Variants in PPME1 observed in about 807,000 individuals in gnomAD.
The protein encoded by PPME1 is testicular secretory protein Li 39.
PPME1 carries 17 observed loss-of-function variants against 56.9 expected under a neutral mutation model. That is an observed-to-expected ratio of 0.30 (90% CI 0.20 to 0.45). PPME1 has a LOEUF of 0.45. Ranked by LOEUF, PPME1 falls within the 20% of genes least tolerant of loss-of-function variation. The pLI is 1.00. For missense variants in PPME1, 357 were observed against 483.2 expected, an observed-to-expected ratio of 0.74 and a Z score of 2.45; for synonymous variants, 122 against 156.2, an observed-to-expected ratio of 0.78 and a Z score of 1.63.
At chr11:74,183,306 C>T (rs1191560898) in intron 1 of PPME1, among the ~76,000 whole-genome samples, 2 of 151,914 alleles carry the variant, frequency 1.3e-5, no homozygotes, top group South Asian at 4.1e-4. Flanking sequence ...CAAAACAAAA[C>T]AACAACAAAA....
chr11:74,242,776 G>C (rs995756950), intron 9 of PPME1, among the ~76,000 whole-genome samples: 1 of 150,930 alleles, frequency 6.6e-6, no homozygotes, highest in African/African-American at 2.4e-5. Flanking sequence ...CTACTCGGGA[G>C]GCTGAGGCAG....
intron 13 of PPME1, among the ~76,000 whole-genome samples, chr11:74,252,031 G>A (rs931885246): frequency 6.6e-6 from 1 of 151,776 alleles, no homozygotes; most frequent in Non-Finnish European, 1.5e-5. Flanking sequence ...CCTTTTCCAG[G>A]CTCCTAGAGA....
intron 3 of PPME1, among the ~76,000 whole-genome samples, chr11:74,215,565 A>G (rs1023280618): frequency 6.6e-6 from 1 of 152,188 alleles, no homozygotes; most frequent in African/African-American, 2.4e-5. Flanking sequence ...TAAACATACC[A>G]CCAGAGAAAA....
intron 1 of PPME1, among the ~76,000 whole-genome samples, chr11:74,184,537 C>G (rs191158107): frequency 1.4e-3 from 208 of 152,268 alleles, no homozygotes; most frequent in Middle Eastern, 6.8e-3. Context: ...GTACTTTTGC[C>G]TCTTCCCTAA....
intron 12 of PPME1, 90 bp from the exon 13 acceptor site, chr11:74,251,558 A>G (rs1859663461): frequency 6.4e-7 from 1 of 1,558,052 alleles, no homozygotes; most frequent in Admixed American, 1.9e-5. Flanking sequence ...AGGGCACCGT[A>G]GAGCCTAACC....
chr11:74,208,568 A>G (rs996423206), intron 3 of PPME1, among the ~76,000 whole-genome samples: 11 of 152,236 alleles, frequency 7.2e-5, no homozygotes, highest in African/African-American at 2.4e-4. Context: ...TTTGAATGTC[A>G]AAGCAGCTTA....
At chr11:74,250,870 C>A (rs1859640201) in intron 11 of PPME1, 84 bp from the exon 12 acceptor site, 12 of 1,218,796 alleles carry the variant, frequency 9.8e-6, no homozygotes, top group Non-Finnish European at 1.4e-5. Context: ...GAGGTAGGTC[C>A]TGGGCTCCTG....
Position 74,230,454 on chromosome 11 carries a change from G to T in PPME1, c.553+55G>T. 1 of 1,557,538 alleles carries T rather than the reference G, an allele frequency of 6.4e-7. No individual in the cohort carries two copies. Among genetic ancestry groups the T allele is most frequent in the Non-Finnish European group, 8.8e-7 (1 of 1,134,274 alleles). On this transcript the variant is annotated intron_variant, in intron 6 of 13. Transcript: ENST00000328257. This position sits in a 1 kb window ranked among gnomAD's most constrained non-coding sequence, Gnocchi z 4.9. ...GATTTCACTTATAAGAGACATCCTT[G>T]GTAGATTATTACCTTGTCTTAGTTT...
At chr11:74,246,032 A>G (rs1859493585) in intron 9 of PPME1, 44 bp from the exon 10 acceptor site, 2 of 1,556,288 alleles carry the variant, frequency 1.3e-6, no homozygotes, top group Admixed American at 4.0e-5. Context: ...CTGTTCCTCC[A>G]GGGGTTGCCC....
At chr11:74,180,677 T>G (rs957510255) in intron 1 of PPME1, among the ~76,000 whole-genome samples, 1 of 152,250 alleles carries the variant, frequency 6.6e-6, no homozygotes, top group Non-Finnish European at 1.5e-5. Context: ...CTTGTTACTT[T>G]TATTTTATCA....
intron 1 of PPME1, among the ~76,000 whole-genome samples, chr11:74,192,412 T>A (rs535552455): frequency 1.3e-5 from 2 of 152,224 alleles, no homozygotes; most frequent in African/African-American, 4.8e-5. Context: ...TGGAAGGAGA[T>A]GAGTCTTAGA....
chr11:74,214,384 A>G (rs557645074), intron 3 of PPME1, among the ~76,000 whole-genome samples: 12 of 152,322 alleles, frequency 7.9e-5, no homozygotes, highest in African/African-American at 2.9e-4. Flanking sequence ...AAGAGGAGGT[A>G]GAGAGATTGG....
intron 1 of PPME1, among the ~76,000 whole-genome samples, chr11:74,198,078 G>T (rs147894216): frequency 6.6e-6 from 1 of 151,986 alleles, no homozygotes; most frequent in Non-Finnish European, 1.5e-5. Context: ...GTATTCTAAC[G>T]TAAAAAAATT....
intron 1 of PPME1, among the ~76,000 whole-genome samples, chr11:74,172,649 A>T (rs751664274): frequency 2.0e-5 from 3 of 151,176 alleles, no homozygotes; most frequent in African/African-American, 7.4e-5. Flanking sequence ...TGAACATGGG[A>T]GAAGTAATTG....
At chr11:74,179,993 T>C (rs1857490475) in intron 1 of PPME1, among the ~76,000 whole-genome samples, 1 of 152,214 alleles carries the variant, frequency 6.6e-6, no homozygotes, top group Non-Finnish European at 1.5e-5. Context: ...GACTCATCAA[T>C]AACTCTCTTA....
intron 11 of PPME1, chr11:74,249,866 C>T (rs1859609197): frequency 6.6e-6 from 1 of 152,158 alleles, no homozygotes. Context: ...GCTTGAGCAC[C>T]CAGAGAGAGG....
intron 9 of PPME1, among the ~76,000 whole-genome samples, chr11:74,239,953 T>G (rs993278501): frequency 2.0e-5 from 3 of 150,670 alleles, no homozygotes; most frequent in Admixed American, 2.0e-4. Context: ...TTTAATTTTC[T>G]TTCCATTTTT....
intron 1 of PPME1, among the ~76,000 whole-genome samples, chr11:74,192,695 GCC>G (rs1282807043): frequency 6.6e-6 from 1 of 152,046 alleles, no homozygotes; most frequent in Non-Finnish European, 1.5e-5. Context: ...GTGAGTTCTT[GCC>G]CTGAGTTCTC....
intron 3 of PPME1, among the ~76,000 whole-genome samples, chr11:74,210,557 C>T (rs1267474119): frequency 3.3e-5 from 5 of 152,124 alleles, no homozygotes; most frequent in South Asian, 2.1e-4. Context: ...GGCTTGGTGC[C>T]GTTCTCATGG....
Sources: gnomAD v4.1 joint callset for allele counts (sites outside exome capture counted in the v4.1 genomes callset) on GRCh38, gnomAD v4.1.1 for gene constraint, Gnocchi (gnomAD v3.1) non-coding constraint, MANE v1.5 for transcripts, NCBI Gene and HGNC (gene_info 2026-07-23, HGNC 2026-07-21) for gene names.